The following PRM1 variants were observed in gnomAD, a reference collection of about 807,000 sequenced individuals.
PRM1 encodes protamine 1.
PRM1 carries 4 observed loss-of-function variants against 4.8 expected under a neutral mutation model. That is an observed-to-expected ratio of 0.83 (90% CI 0.41 to 1.91). The LOEUF (loss-of-function observed/expected upper bound fraction) is 1.91. PRM1 is among the 40% of genes most tolerant of loss of function. The probability of loss-of-function intolerance (pLI) is 0.03; values close to 1 mark genes in which losing one functional copy is unlikely to be tolerated. For missense variants in PRM1, 88 were observed against 75.7 expected (o/e 1.16, Z -0.61); for synonymous variants, 29 against 22.7 (o/e 1.28, Z -0.79).
intron 1 of PRM1, 27 bp from the exon 2 acceptor site, chr16:11,281,062 A>G (rs1356468995): frequency 5.0e-6 from 8 of 1,614,120 alleles, no homozygotes; most frequent in African/African-American, 1.3e-5. Context: ...AAGTGGTGAG[A>G]GGAAGGCTGG....
intron 1 of PRM1, 28 bp downstream of exon 1, chr16:11,281,099 C>T (rs2069945312): frequency 1.9e-6 from 3 of 1,613,760 alleles, no homozygotes; most frequent in Non-Finnish European, 2.5e-6. Flanking sequence ...GCCTCAGCCC[C>T]AGCCCACCCT....
Position 11,280,926 on chromosome 16 carries a change from C to T in PRM1, c.*66G>A. On this transcript the variant is annotated 3_prime_UTR_variant, in exon 2 of 2. Transcript: ENST00000312511. ...GGATGGTGGCATTTTCAAGATGTGGCAAGAGGATCTTGAAGTCTGGTAACA... is the reference window on the plus strand; with the variant it reads ...GGATGGTGGCATTTTCAAGATGTGGTAAGAGGATCTTGAAGTCTGGTAACA... 1.3e-6 allele frequency: 2 copies of T among 1,523,910 alleles called. No homozygotes were observed. The highest frequency in any genetic ancestry group is 1.8e-6 in the Non-Finnish European group (2 of 1,097,378). 94.4% of individuals were successfully genotyped at this position (1,523,910 alleles called of 1,614,324 possible). A position where few individuals can be genotyped will look rare whatever the true frequency, so the allele number is the denominator to read the frequency against.
Sources: allele counts gnomAD v4.1 joint callset, GRCh38; gene constraint gnomAD v4.1.1; transcripts MANE v1.5; gene names NCBI Gene and HGNC (gene_info 2026-07-23, HGNC 2026-07-21).